The following FSTL1 variants were observed in gnomAD, a reference collection of about 807,000 sequenced individuals.
FSTL1 encodes follistatin like 1.
FSTL1 carries 24 observed loss-of-function variants against 45.9 expected under a neutral mutation model. The ratio of observed to expected loss-of-function variants is 0.52; its 90% CI spans 0.38 to 0.74. The LOEUF (loss-of-function observed/expected upper bound fraction) is 0.74, where lower values mean the gene tolerates loss of function less well. FSTL1 is among the 30% of genes least tolerant of loss of function. FSTL1 has a pLI of 0.00. For missense variants in FSTL1, 340 were observed against 381.8 expected, an observed-to-expected ratio of 0.89 and a Z score of 0.91; for synonymous variants, 120 against 137.6, an observed-to-expected ratio of 0.87 and a Z score of 0.89.
intron 2 of FSTL1, among the ~76,000 whole-genome samples, chr3:120,428,824 G>A (rs1459444477): frequency 1.3e-5 from 2 of 152,168 alleles, no homozygotes; most frequent in Non-Finnish European, 2.9e-5. Context: ...TGGCTGCAAA[G>A]CAGTTAAGGT....
chr3:120,396,980 G>A lies in FSTL1; in HGVS notation c.899C>T (p.Thr300Ile), dbSNP rs767656802. 43 of 1,611,702 alleles carry A rather than the reference G, an allele frequency of 2.7e-5. No individual in the cohort carries two copies. Among genetic ancestry groups the A allele is most frequent in the Non-Finnish European group, 3.5e-5 (41 of 1,177,944 alleles). Residue 300 changes from threonine (T) to isoleucine (I), a missense_variant, in exon 11 of 11, where the codon ACC becomes ATC. Transcript: ENST00000295633. ...LQKHQETAEK[T>I]KRVSTKEI ...GATCTCTTTGGTGCTCACTCTCTTG[G>A]TCTTTTCAGCTGTTTCCTTTGAGAT...
chr3:120,405,683 A>G (rs1463567601), intron 6 of FSTL1, among the ~76,000 whole-genome samples: 2 of 152,194 alleles, frequency 1.3e-5, no homozygotes, highest in African/African-American at 2.4e-5. Context: ...GGCTGCCCTC[A>G]TGACCCAGCT....
At chr3:120,407,467 C>T (rs186272826) in intron 6 of FSTL1, among the ~76,000 whole-genome samples, 18 of 152,360 alleles carry the variant, frequency 1.2e-4, no homozygotes, top group East Asian at 7.7e-4. Flanking sequence ...CATTCTGTTA[C>T]GCTTTCACCT....
In FSTL1 at chr3:120,450,706, G is replaced by A. The variant is rs776108857; in HGVS notation, c.41C>T (p.Ala14Val). The A allele has an allele frequency of 2.6e-6, 3 of 1,142,696 alleles. No individual in the cohort carries two copies. The highest frequency in any genetic ancestry group is 3.6e-6 in the Non-Finnish European group (3 of 833,910). The allele number at this position is 1,142,696 out of a possible 1,614,324, so 70.8% of individuals were successfully genotyped here. A position where few individuals can be genotyped will look rare whatever the true frequency, so the allele number is the denominator to read the frequency against. ...RWLALALALV[A>V]VAWVRAEEEL... ...TACCTCGGCGCGGACCCAGGCGACC[G>A]CCACCAGCGCGAGCGCGAGCGCGAG... Residue 14 changes from alanine (A) to valine (V), a missense_variant, in exon 2 of 11, where the codon GCG becomes GTG. Physicochemically the swap from Ala to Val is moderately conservative, Grantham distance 64 (BLOSUM62 0). Transcript: ENST00000295633.
At chr3:120,409,469 A>C in intron 6 of FSTL1, 63 bp downstream of exon 6, 1 of 1,460,838 alleles carries the variant, frequency 6.8e-7, no homozygotes, top group East Asian at 2.3e-5. Flanking sequence ...GTGATCGGGC[A>C]ATGGGAGGAG....
chr3:120,424,639 T>A (rs531532629), intron 2 of FSTL1, among the ~76,000 whole-genome samples: 2 of 152,172 alleles, frequency 1.3e-5, no homozygotes, highest in South Asian at 4.2e-4. Context: ...GACAGTTGCA[T>A]CTACACTAGT....
chr3:120,414,455 C>T (rs1470092590), intron 3 of FSTL1, among the ~76,000 whole-genome samples: 2 of 152,044 alleles, frequency 1.3e-5, no homozygotes, highest in Non-Finnish European at 2.9e-5. Context: ...AAGTGAGGAG[C>T]CCCTCTGCCC....
rs1455540307 is a variant in FSTL1 at position 120,415,874 on chromosome 3, C to T, written c.168+49G>A. On this transcript the variant is annotated intron_variant, in intron 3 of 10. Transcript: ENST00000295633. ...TGCTGATGGGTGGCTCCGCAAGGTA[C>T]CACATTGGCCTTGGCCACTGTCCTC... The T allele has an allele frequency of 1.2e-5, 12 of 1,012,100 alleles. No individual in the cohort carries two copies. The Admixed American group carries it at 2.0e-4, about 17-fold the overall frequency. The allele number at this position is 1,012,100 out of a possible 1,614,324, so 62.7% of individuals were successfully genotyped here.
At position 120,402,809 on chromosome 3, in the gene FSTL1, G is replaced by A. The variant is rs139355917; in HGVS notation, c.804C>T (p.Asp268=). The A allele has an allele frequency of 8.9e-3, 13,916 of 1,556,806 alleles. 121 individuals are homozygous for A. The highest frequency in any genetic ancestry group is 9.7e-3 in the Non-Finnish European group (10,931 of 1,127,864). The change falls in exon 9 of 11, where the codon GAC becomes GAT. Residue 268 remains aspartate (D), a splice_region_variant and synonymous_variant. Transcript: ENST00000295633. ...GNWVCTAMTC[D]GKNQKGAQTQ... ...CTTTCTGCTTGAAGCACAGCTCACC[G>A]TCACAGGTCATGGCTGTACAGACCC... is the stretch of plus-strand genomic sequence containing the variant.
intron 4 of FSTL1, 157 bp from the exon 5 acceptor site, chr3:120,411,141 G>T: frequency 1.7e-6 from 1 of 578,386 alleles, no homozygotes; most frequent in Non-Finnish European, 3.1e-6. Flanking sequence ...CTTCTTCTAG[G>T]GCCCAGGTAT....
intron 2 of FSTL1, among the ~76,000 whole-genome samples, chr3:120,416,847 G>A (rs1937195325): frequency 6.6e-6 from 1 of 152,228 alleles, no homozygotes; most frequent in South Asian, 2.1e-4. Context: ...GAACTGACAA[G>A]GCAGGGAATG....
At chr3:120,426,994 C>G (rs1215670477) in intron 2 of FSTL1, among the ~76,000 whole-genome samples, 1 of 152,182 alleles carries the variant, frequency 6.6e-6, no homozygotes, top group Non-Finnish European at 1.5e-5. Context: ...GGGTCTAGGG[C>G]TCCCAAGGCT....
At chr3:120,406,146 C>G (rs1285255557) in intron 6 of FSTL1, among the ~76,000 whole-genome samples, 2 of 152,104 alleles carry the variant, frequency 1.3e-5, no homozygotes, top group African/African-American at 4.8e-5. Flanking sequence ...TAGGCCTTTG[C>G]TTAGTACGTA....
chr3:120,438,002 T>C (rs1937588625), intron 2 of FSTL1, among the ~76,000 whole-genome samples: 1 of 152,150 alleles, frequency 6.6e-6, no homozygotes, highest in African/African-American at 2.4e-5. Context: ...AATTCATTAA[T>C]ACTTGTTCAG....
chr3:120,413,775 A>ACTCCCTCTCCC (rs1937116609), intron 3 of FSTL1, among the ~76,000 whole-genome samples: 1 of 79,212 alleles, frequency 1.3e-5, no homozygotes, highest in Non-Finnish European at 2.5e-5. Context: ...TTAAAAAAAA[A>ACTCCCTCTCCC]ACTCCCTCTC....
At position 120,392,490 on chromosome 3, in the gene FSTL1, G is replaced by A. The variant is rs1369569978; in HGVS notation, c.*4462C>T. The stretch of plus-strand genomic sequence containing the variant: ...TGGTGCAACTTCTTTGACTTTATAG[G>A]CAATCATAGGCAAATTTATAAATGT... On this transcript the variant is annotated 3_prime_UTR_variant, in exon 11 of 11. Transcript: ENST00000295633. 1.3e-5 allele frequency: 2 copies of A among 152,138 alleles called. No homozygotes were observed. Among genetic ancestry groups the A allele is most frequent in the East Asian group, 3.9e-4 (2 of 5,192 alleles). 9.4% of individuals were successfully genotyped at this position (152,138 alleles called of 1,614,324 possible).
Position 120,403,721 on chromosome 3 carries a change from C to A in FSTL1, c.582-367G>T, listed in dbSNP as rs147114941. On this transcript the variant is annotated intron_variant, in intron 7 of 10. Coordinates refer to ENST00000295633, the MANE Select transcript of FSTL1 (RefSeq NM_007085.5). ...GTCAAGTCAACCAAACTAGGAAAAT[C>A]AAAACAGAAGAGATATGACAGATGA... 3.7e-3 allele frequency among the ~76,000 whole-genome samples: 563 copies of A among 151,854 alleles called. 1 individual carries two copies. The highest frequency in any genetic ancestry group is 0.013 in the African/African-American group (529 of 41,406).
rs1372975400 is a variant in FSTL1, at chr3:120,412,829, C to T, written c.169-846G>A. On this transcript the variant is annotated intron_variant, in intron 3 of 10. Coordinates refer to ENST00000295633, the MANE Select transcript of FSTL1 (RefSeq NM_007085.5). ...AAACACACACACATGTGCGCGCGCG[C>T]GCGCGCGCGCACACACACACACACA... Among the ~76,000 whole-genome samples the T allele has an allele frequency of 3.4e-4, 42 of 123,678 alleles. 1 individual carries two copies. In the South Asian group the frequency reaches 5.1e-3, roughly 15 times the overall value. 81.1% of individuals were successfully genotyped at this position (123,678 alleles called of 152,430 possible). A position where few individuals can be genotyped will look rare whatever the true frequency, so the allele number is the denominator to read the frequency against.
rs771626820 is a variant in FSTL1, at chr3:120,395,325, G to C, written c.*1627C>G. 20 of 246,448 alleles carry C rather than the reference G, an allele frequency of 8.1e-5. No homozygotes were observed. The highest frequency in any genetic ancestry group is 1.2e-4 in the Non-Finnish European group (15 of 127,226). 15.3% of individuals were successfully genotyped at this position (246,448 alleles called of 1,614,324 possible). A position where few individuals can be genotyped will look rare whatever the true frequency, so the allele number is the denominator to read the frequency against. On this transcript the variant is annotated 3_prime_UTR_variant, in exon 11 of 11. Transcript: ENST00000295633. Reference sequence around the variant, plus strand: ...AAATGCATCTGAAACAGGGTAGTGAGTGGGGTTAATAATCACAGAAGTCGA... The same window carrying C: ...AAATGCATCTGAAACAGGGTAGTGACTGGGGTTAATAATCACAGAAGTCGA...
Sources: allele counts gnomAD v4.1 joint callset (sites outside exome capture counted in the v4.1 genomes callset), GRCh38; gene constraint gnomAD v4.1.1; transcripts MANE v1.5; gene names NCBI Gene and HGNC (gene_info 2026-07-23, HGNC 2026-07-21).